The following TMPRSS15 variants were observed in gnomAD, a reference collection of about 807,000 sequenced individuals.
TMPRSS15 encodes the protein enteropeptidase.
In TMPRSS15, 128 loss-of-function variants were observed where a neutral mutation model predicts 125.3. That is an observed-to-expected ratio of 1.02 (90% CI 0.89 to 1.18). The LOEUF (loss-of-function observed/expected upper bound fraction) is 1.18, where lower values mean the gene tolerates loss of function less well. TMPRSS15 is among the 50% of genes most tolerant of loss of function. TMPRSS15 has a pLI of 0.00. For synonymous variants in TMPRSS15, 446 were observed against 423.2 expected, an observed-to-expected ratio of 1.05 and a Z score of -0.66; for missense variants, 1,283 against 1,212.7, an observed-to-expected ratio of 1.06 and a Z score of -0.86.
chr21:18,407,448 CTT>C (rs201740388), upstream of TMPRSS15, among the ~76,000 whole-genome samples: 6 of 133,202 alleles, frequency 4.5e-5, no homozygotes, highest in African/African-American at 5.7e-5. Context: ...TTTTTCTTTT[CTT>C]TTTTTTTTTT....
intron 1 of TMPRSS15, among the ~76,000 whole-genome samples, chr21:18,409,831 C>T (rs1334127206): frequency 9.7e-6 from 1 of 103,216 alleles, no homozygotes; most frequent in Non-Finnish European, 1.9e-5. Context: ...CCCCCCTTCA[C>T]CCCTCCCTCC....
chr21:18,295,346 A>G (rs189907420), intron 19 of TMPRSS15, among the ~76,000 whole-genome samples: 1 of 152,270 alleles, frequency 6.6e-6, no homozygotes, highest in Admixed American at 6.5e-5. Context: ...CATTATACTT[A>G]TCAGCCACTA....
At chr21:18,310,385 A>G (rs2075087458) in intron 18 of TMPRSS15, among the ~76,000 whole-genome samples, 1 of 152,148 alleles carries the variant, frequency 6.6e-6, no homozygotes, top group African/African-American at 2.4e-5. Context: ...TAAACAAAAC[A>G]AAATCATTAC....
chr21:18,480,810 G>C (rs1004696009), intron 1 of TMPRSS15, among the ~76,000 whole-genome samples: 3 of 151,816 alleles, frequency 2.0e-5, no homozygotes, highest in Non-Finnish European at 4.4e-5. Flanking sequence ...CAAGATAAAA[G>C]ATATTAACTC....
chr21:18,287,127 A>C (rs941260764), intron 21 of TMPRSS15, among the ~76,000 whole-genome samples: 12 of 152,202 alleles, frequency 7.9e-5, no homozygotes. Context: ...TTTCAGCCTT[A>C]ACATGTCATA....
intron 5 of TMPRSS15, among the ~76,000 whole-genome samples, chr21:18,373,243 AC>A (rs2075810612): frequency 6.6e-6 from 1 of 152,122 alleles, no homozygotes; most frequent in African/African-American, 2.4e-5. Context: ...CAATGAATCT[AC>A]TAAGTTACTT....
intron 16 of TMPRSS15, 115 bp downstream of exon 16, chr21:18,326,313 GAAGA>G (rs1397829923): frequency 7.4e-7 from 1 of 1,347,846 alleles, no homozygotes; most frequent in Non-Finnish European, 1.1e-6. Context: ...TTAAGATGAG[GAAGA>G]ATAAGTGTCA....
At chr21:18,312,397 T>C (rs2075109230) in intron 18 of TMPRSS15, among the ~76,000 whole-genome samples, 2 of 151,736 alleles carry the variant, frequency 1.3e-5, no homozygotes, top group South Asian at 4.2e-4. Context: ...TGAGAATATC[T>C]TTCTTTATCC....
In TMPRSS15 at chr21:18,313,046, A is replaced by C; in HGVS notation, c.2064T>G (p.Asn688Lys). Reference sequence around the variant, plus strand: ...TCTGGATTCTGAACCGCACTAAACCATTGTTGTTCGTTGTGCCATTGAAAA... The same window carrying C: ...TCTGGATTCTGAACCGCACTAAACCCTTGTTGTTCGTTGTGCCATTGAAAA... ...VRFFNGTTNNNGLVRFRIQSI... is the reference protein window; with the variant it reads ...VRFFNGTTNNKGLVRFRIQSI... Residue 688 changes from asparagine to lysine, a missense_variant, in exon 18 of 25, where the codon AAT (asparagine) becomes AAG (lysine). Physicochemically the swap from Asn to Lys is moderately conservative, Grantham distance 94. Transcript: ENST00000284885. 6 of 1,614,008 alleles carry C rather than the reference A, an allele frequency of 3.7e-6. No individual in the cohort carries two copies. The highest frequency in any genetic ancestry group is 5.1e-6 in the Non-Finnish European group (6 of 1,179,954).
Position 18,388,550 on chromosome 21 carries a change from G to C in TMPRSS15, c.345-4772C>G, listed in dbSNP as rs144897622. 6.6e-3 allele frequency among the ~76,000 whole-genome samples: 1,008 copies of C among 152,214 alleles called. 17 individuals are homozygous for C. Among genetic ancestry groups the C allele is most frequent in the African/African-American group, 0.023 (951 of 41,536 alleles). On this transcript the variant is annotated intron_variant, in intron 3 of 24. Coordinates refer to ENST00000284885, the MANE Select transcript of TMPRSS15 (RefSeq NM_002772.3). ...AACTATTCTGATAAACTCTGCAATG[G>C]ACACTGTGCTTTCTGTATGGATTTC...
intron 13 of TMPRSS15, among the ~76,000 whole-genome samples, chr21:18,337,843 CT>C (rs1196578607): frequency 6.6e-6 from 1 of 152,182 alleles, no homozygotes; most frequent in African/African-American, 2.4e-5. Flanking sequence ...AAGAATTTCA[CT>C]GAACCAATTG....
At chr21:18,358,600 T>C (rs1264735727) in intron 8 of TMPRSS15, among the ~76,000 whole-genome samples, 1 of 151,926 alleles carries the variant, frequency 6.6e-6, no homozygotes, top group Non-Finnish European at 1.5e-5. Flanking sequence ...TATTTTTACT[T>C]GGGCTTTTAA....
At chr21:18,461,375 C>A (rs2122952528) in intron 1 of TMPRSS15, among the ~76,000 whole-genome samples, 1 of 152,206 alleles carries the variant, frequency 6.6e-6, no homozygotes, top group East Asian at 1.9e-4. Flanking sequence ...TCACATAAAG[C>A]CTTCTTTCCT....
At chr21:18,426,741 T>G (rs1017489052) in intron 1 of TMPRSS15, among the ~76,000 whole-genome samples, 1 of 152,324 alleles carries the variant, frequency 6.6e-6, no homozygotes, top group East Asian at 1.9e-4. Context: ...TATTTCAAAA[T>G]TATGCATTTT....
chr21:18,416,473 T>C (rs1027890193), intron 1 of TMPRSS15, among the ~76,000 whole-genome samples: 1 of 152,044 alleles, frequency 6.6e-6, no homozygotes, highest in African/African-American at 2.4e-5. Flanking sequence ...CAGTAGAAAT[T>C]TGTAGACTTA....
chr21:18,364,458 A>T (rs1335041132), intron 7 of TMPRSS15, among the ~76,000 whole-genome samples: 2 of 152,150 alleles, frequency 1.3e-5, no homozygotes, highest in African/African-American at 4.8e-5. Context: ...AGTTTATTTC[A>T]GGATCTCTTA....
At chr21:18,294,871 G>C (rs886993395) in intron 19 of TMPRSS15, among the ~76,000 whole-genome samples, 1 of 152,086 alleles carries the variant, frequency 6.6e-6, no homozygotes, top group Non-Finnish European at 1.5e-5. Flanking sequence ...GTGACTTCAG[G>C]GAAGTTACTC....
intron 1 of TMPRSS15, among the ~76,000 whole-genome samples, chr21:18,448,708 C>T (rs140001724): frequency 2.0e-5 from 3 of 152,008 alleles, no homozygotes; most frequent in African/African-American, 4.8e-5. Context: ...TCATATCATA[C>T]TGTGGTCCTA....
At position 18,415,709 on chromosome 21, in the gene TMPRSS15, T is replaced by C. The variant is rs537698379; in HGVS notation, c.11-17380A>G. ...GGTCTCTTTATTTTGGTCCACTTAA[T>C]ATATCTGTCTTTATGCTAGTACCAT... On this transcript the variant is annotated intron_variant, in intron 1 of 7. Transcript: ENST00000422787. Among the ~76,000 whole-genome samples, 6 of 152,204 alleles carry C rather than the reference T, an allele frequency of 3.9e-5. No individual in the cohort carries two copies. In the South Asian group the frequency reaches 1.2e-3, roughly 32 times the overall value.
Sources: gnomAD v4.1 joint callset for allele counts (sites outside exome capture counted in the v4.1 genomes callset) on GRCh38, gnomAD v4.1.1 for gene constraint, MANE v1.5 for transcripts, NCBI Gene and HGNC (gene_info 2026-07-23, HGNC 2026-07-21) for gene names.